Variants in CTNND2 observed in about 807,000 individuals in gnomAD.
CTNND2 encodes catenin delta 2.
In CTNND2, 22 loss-of-function variants were observed where a neutral mutation model predicts 144.4. The observed-to-expected ratio is 0.15, with a 90% CI of 0.11 to 0.22. The LOEUF (loss-of-function observed/expected upper bound fraction) is 0.22, where lower values mean the gene tolerates loss of function less well. CTNND2 is among the 10% of genes least tolerant of loss of function. CTNND2 has a pLI of 1.00. For synonymous variants in CTNND2, 751 were observed against 695.6 expected (o/e 1.08, Z -1.25); for missense variants, 1,353 against 1,618.8 (o/e 0.84, Z 2.82).
intron 3 of CTNND2, among the ~76,000 whole-genome samples, chr5:11,552,508 A>G (rs13173482): frequency 0.075 from 11,376 of 152,232 alleles, 653 homozygotes; most frequent in East Asian, 0.28. Context: ...TCCCCATCCT[A>G]AAATATTCAG....
chr5:11,761,957 G>A (rs1404759324), intron 1 of CTNND2, among the ~76,000 whole-genome samples: 2 of 151,984 alleles, frequency 1.3e-5, no homozygotes, highest in Non-Finnish European at 2.9e-5. Context: ...GAAAGGACCA[G>A]GTCACATATA....
chr5:11,214,684 C>T (rs1313770309), intron 10 of CTNND2, among the ~76,000 whole-genome samples: 1 of 152,184 alleles, frequency 6.6e-6, no homozygotes, highest in African/African-American at 2.4e-5. Context: ...TCCTGCCTGA[C>T]CTGCCTTGTC....
At chr5:10,984,967 G>A (rs1016384829) in intron 20 of CTNND2, among the ~76,000 whole-genome samples, 14 of 152,166 alleles carry the variant, frequency 9.2e-5, no homozygotes, top group African/African-American at 3.1e-4. Flanking sequence ...CCAGCTACTC[G>A]AAACGCTGAG....
intron 7 of CTNND2, among the ~76,000 whole-genome samples, chr5:11,370,420 G>A (rs1286160893): frequency 1.3e-5 from 2 of 152,008 alleles, no homozygotes; most frequent in African/African-American, 4.8e-5. Flanking sequence ...CCAAATAAAG[G>A]AGAAAAAGAG....
rs1434603180 is a variant in CTNND2 at position 11,098,626 on chromosome 5, C to T, written c.2586G>A (p.Thr862=). 8 of 1,614,112 alleles carry T rather than the reference C, an allele frequency of 5.0e-6. No homozygotes were observed. Among genetic ancestry groups the T allele is most frequent in the Non-Finnish European group, 6.8e-6 (8 of 1,179,994 alleles). Residue 862 remains threonine (T), a synonymous_variant, in exon 15 of 22, where the codon ACG becomes ACA. Coordinates refer to ENST00000304623, the MANE Select transcript of CTNND2 (RefSeq NM_001332.4). The stretch of plus-strand genomic sequence containing the variant: ...GCAGGGCGCCTGCCGCCCCTTCCAG[C>T]GTGTCTGGATTTGAGCACTCAGAGA... ...TLLSECSNPD[T]LEGAAGALQN... is the part of the protein sequence containing the mutation.
Position 11,150,190 on chromosome 5 carries a change from C to G in CTNND2, c.2159+9386G>C, listed in dbSNP as rs373424253. Among the ~76,000 whole-genome samples the G allele has an allele frequency of 5.3e-5, 8 of 152,320 alleles. No individual in the cohort carries two copies. In the East Asian group the frequency reaches 9.6e-4, roughly 18 times the overall value. On this transcript the variant is annotated intron_variant, in intron 12 of 21. Transcript: ENST00000304623. ...CAGTGTTCAGAGACCCCACCTCTCA[C>G]TCTTCCATAGCACAGCTGCACAGGG... is the stretch of plus-strand genomic sequence containing the variant.
At chr5:11,216,531 G>A (rs1739219082) in intron 10 of CTNND2, among the ~76,000 whole-genome samples, 1 of 152,182 alleles carries the variant, frequency 6.6e-6, no homozygotes, top group African/African-American at 2.4e-5. Flanking sequence ...TCTAGAAGCT[G>A]GAAAATGAGA....
At chr5:11,049,588 TGC>T (rs1417689641) in intron 16 of CTNND2, among the ~76,000 whole-genome samples, 1 of 152,162 alleles carries the variant, frequency 6.6e-6, no homozygotes, top group Non-Finnish European at 1.5e-5. Flanking sequence ...AGTCAGCAGG[TGC>T]ACCAACCATC....
intron 9 of CTNND2, among the ~76,000 whole-genome samples, chr5:11,333,323 G>A (rs754711240): frequency 2.6e-5 from 4 of 152,020 alleles, no homozygotes. Flanking sequence ...GAGTGCAGTG[G>A]TGCAATCACA....
At chr5:11,374,396 A>C (rs933767752) in intron 7 of CTNND2, among the ~76,000 whole-genome samples, 1 of 152,204 alleles carries the variant, frequency 6.6e-6, no homozygotes, top group Non-Finnish European at 1.5e-5. Context: ...GCTTGTGTTT[A>C]AGATTTGCTT....
At chr5:10,992,795 G>T (rs1738846237) in intron 18 of CTNND2, 118 bp from the exon 19 acceptor site, 2 of 1,365,136 alleles carry the variant, frequency 1.5e-6, no homozygotes, top group Non-Finnish European at 2.0e-6. Flanking sequence ...TGTCAGAAGA[G>T]GTTCTTGAAG....
chr5:11,189,532 C>A (rs945384494), intron 11 of CTNND2, among the ~76,000 whole-genome samples: 2 of 152,176 alleles, frequency 1.3e-5, no homozygotes, highest in African/African-American at 2.4e-5. Flanking sequence ...TACATATTTT[C>A]TCTTCCTTAT....
chr5:11,542,176 G>A (rs1480292892), intron 3 of CTNND2, among the ~76,000 whole-genome samples: 1 of 152,062 alleles, frequency 6.6e-6, no homozygotes, highest in African/African-American at 2.4e-5. Context: ...AATCAATAAT[G>A]AACTGCGCCA....
chr5:11,526,104 G>A (rs889570453), intron 3 of CTNND2, among the ~76,000 whole-genome samples: 2 of 152,128 alleles, frequency 1.3e-5, no homozygotes, highest in African/African-American at 4.8e-5. Flanking sequence ...GTTTCACCAT[G>A]TTGGCCAGGT....
chr5:11,624,419 G>A (rs1781045874), intron 2 of CTNND2, among the ~76,000 whole-genome samples: 2 of 152,160 alleles, frequency 1.3e-5, no homozygotes, highest in African/African-American at 4.8e-5. Flanking sequence ...TAAAAATGTT[G>A]AATAACCTTG....
intron 3 of CTNND2, among the ~76,000 whole-genome samples, chr5:11,418,553 A>G (rs1036926397): frequency 6.6e-6 from 1 of 152,236 alleles, no homozygotes. Flanking sequence ...TTGATGCCTT[A>G]CAAGAAGTTT....
intron 2 of CTNND2, among the ~76,000 whole-genome samples, chr5:11,605,316 G>T (rs372994876): frequency 3.3e-5 from 5 of 152,210 alleles, no homozygotes; most frequent in African/African-American, 1.2e-4. Flanking sequence ...CTGAACATCT[G>T]AGCTGTAGCA....
intron 10 of CTNND2, among the ~76,000 whole-genome samples, chr5:11,234,246 T>C (rs1580663667): frequency 6.6e-6 from 1 of 152,046 alleles, no homozygotes; most frequent in African/African-American, 2.4e-5. Context: ...CAGAGACACA[T>C]ATATACACAC....
At chr5:11,685,454 G>A (rs976754569) in intron 2 of CTNND2, among the ~76,000 whole-genome samples, 2 of 152,324 alleles carry the variant, frequency 1.3e-5, no homozygotes, top group African/African-American at 4.8e-5. Flanking sequence ...TTGATTGTAT[G>A]TGAACTAGGA....
Sources: gnomAD v4.1 joint callset for allele counts (sites outside exome capture counted in the v4.1 genomes callset) on GRCh38, gnomAD v4.1.1 for gene constraint, MANE v1.5 for transcripts, NCBI Gene and HGNC (gene_info 2026-07-23, HGNC 2026-07-21) for gene names.